ZBTB40: variants seen among roughly 807,000 people sequenced by gnomAD.
The protein encoded by ZBTB40 is zinc finger and BTB domain containing 40, also known as zinc finger and BTB domain-containing protein 40.
A neutral mutation model predicts 117.5 loss-of-function variants in ZBTB40; 60 were observed. That is an observed-to-expected ratio of 0.51 (90% confidence interval 0.41 to 0.63). The LOEUF (loss-of-function observed/expected upper bound fraction) is 0.63. Ranked by LOEUF, ZBTB40 falls within the 30% of genes least tolerant of loss-of-function variation. ZBTB40 has a pLI of 0.00. For synonymous variants in ZBTB40, 525 were observed against 577.1 expected (o/e 0.91, Z 1.29); for missense variants, 1,287 against 1,498.5 (o/e 0.86, Z 2.33).
intron 1 of ZBTB40, among the ~76,000 whole-genome samples, chr1:22,445,022 T>C (rs1162905030): frequency 6.6e-6 from 1 of 152,166 alleles, no homozygotes; most frequent in Non-Finnish European, 1.5e-5. Context: ...GCTGCTAACA[T>C]ACTTTGGTGC....
chr1:22,523,253 G>A (rs1639589506), intron 16 of ZBTB40, among the ~76,000 whole-genome samples: 1 of 152,036 alleles, frequency 6.6e-6, no homozygotes, highest in Non-Finnish European at 1.5e-5. Flanking sequence ...GCCCAGCCAA[G>A]ATGTACCATT....
chr1:22,440,330 T>C (rs866238377), intron 1 of ZBTB40, among the ~76,000 whole-genome samples: 4 of 152,246 alleles, frequency 2.6e-5, no homozygotes, highest in Non-Finnish European at 5.9e-5. Context: ...TCTTGCCTAA[T>C]TGCTCTGACT....
rs572514196 is a variant in ZBTB40, at chr1:22,471,497, C to G, written c.-69-18383C>G. On this transcript the variant is annotated intron_variant, in intron 1 of 17. Coordinates refer to ENST00000375647, the MANE Select transcript of ZBTB40 (RefSeq NM_014870.4). ...TAACCTTGCTTGACATTAGTTTCCT[C>G]ATCTATAAAATAGGGATATAATGGT... 3.3e-5 allele frequency among the ~76,000 whole-genome samples: 5 copies of G among 152,338 alleles called. No individual in the cohort carries two copies. In the South Asian group the frequency reaches 6.2e-4, roughly 19 times the overall value.
At chr1:22,484,962 T>C (rs1250284697) in intron 1 of ZBTB40, among the ~76,000 whole-genome samples, 2 of 152,210 alleles carry the variant, frequency 1.3e-5, no homozygotes. Flanking sequence ...TGATTTTGAA[T>C]GTTGAACCAG....
At chr1:22,505,669 T>G (rs1185037429) in intron 5 of ZBTB40, among the ~76,000 whole-genome samples, 1 of 152,204 alleles carries the variant, frequency 6.6e-6, no homozygotes, top group Non-Finnish European at 1.5e-5. Context: ...CTATATTAAT[T>G]ATCAATCTGT....
chr1:22,515,944 C>T (rs1367833956), intron 12 of ZBTB40, among the ~76,000 whole-genome samples: 1 of 152,036 alleles, frequency 6.6e-6, no homozygotes, highest in Non-Finnish European at 1.5e-5. Flanking sequence ...CTGTTAGAGC[C>T]GTTCAGTGTA....
chr1:22,464,640 T>C (rs1484836257), intron 1 of ZBTB40, among the ~76,000 whole-genome samples: 3 of 152,228 alleles, frequency 2.0e-5, no homozygotes, highest in Non-Finnish European at 4.4e-5. Flanking sequence ...TTATAACATA[T>C]GAAGAAGAAA....
intron 1 of ZBTB40, among the ~76,000 whole-genome samples, chr1:22,457,823 A>T (rs1368780503): frequency 6.6e-6 from 1 of 152,192 alleles, no homozygotes; most frequent in Non-Finnish European, 1.5e-5. Context: ...ATTTCGTCCT[A>T]TTTCTCAGCT....
At chr1:22,521,367 A>G in intron 14 of ZBTB40, 129 bp from the exon 15 acceptor site, 1 of 1,147,534 alleles carries the variant, frequency 8.7e-7, no homozygotes, top group South Asian at 1.3e-5. Flanking sequence ...CCGGTGTGAT[A>G]GGTAAGAGTG....
At chr1:22,517,054 C>G (rs1322594182) in intron 12 of ZBTB40, among the ~76,000 whole-genome samples, 1 of 152,144 alleles carries the variant, frequency 6.6e-6, no homozygotes, top group Non-Finnish European at 1.5e-5. Flanking sequence ...TTGTCTTGTG[C>G]AGTGAGAACT....
At position 22,490,181 on chromosome 1, in the gene ZBTB40, T is replaced by G. The variant is rs551375407; in HGVS notation, c.233T>G (p.Met78Arg). ...GAGTTTGCGCTCTTGTTGGAAATGA[T>G]GTACACGGGCAAACTACCTGTGGGC... ...PEEFALLLEM[M>R]YTGKLPVGKH... The change falls in exon 2 of 18, where the codon ATG becomes AGG. Residue 78 changes from methionine to arginine, a missense_variant. Physicochemically the swap from Met to Arg is moderately conservative, Grantham distance 91 (BLOSUM62 -1). Around this residue, in one of 2 missense-constraint regions of ZBTB40, gnomAD observed 870 missense variants for 934.4 expected, o/e 0.93. Coordinates refer to ENST00000375647, the MANE Select transcript of ZBTB40 (RefSeq NM_014870.4). 2.6e-5 allele frequency: 42 copies of G among 1,614,074 alleles called. No homozygotes were observed. The highest frequency in any genetic ancestry group is 3.3e-5 in the Non-Finnish European group (39 of 1,180,028).
chr1:22,437,221 A>C (rs1017551237), intron 1 of ZBTB40, among the ~76,000 whole-genome samples: 4 of 152,166 alleles, frequency 2.6e-5, no homozygotes, highest in Non-Finnish European at 5.9e-5. Context: ...CAGAAATCAT[A>C]ATTTACCAGA....
chr1:22,502,504 T>C (rs1241985565), intron 5 of ZBTB40, 63 bp downstream of exon 5: 2 of 1,604,020 alleles, frequency 1.2e-6, no homozygotes, highest in African/African-American at 2.7e-5. Context: ...AAAATGCTTT[T>C]GTGGCACATA....
intron 1 of ZBTB40, among the ~76,000 whole-genome samples, chr1:22,458,265 G>A (rs927838257): frequency 6.6e-6 from 1 of 152,180 alleles, no homozygotes; most frequent in African/African-American, 2.4e-5. Flanking sequence ...TGATTCCCTT[G>A]CTTTAAAACT....
intron 1 of ZBTB40, among the ~76,000 whole-genome samples, chr1:22,462,091 G>A (rs1641146432): frequency 1.3e-5 from 2 of 152,146 alleles, no homozygotes; most frequent in Admixed American, 1.3e-4. Flanking sequence ...TCCATTATCT[G>A]TTCTTATTTA....
chr1:22,522,289 C>T (rs906736389), intron 15 of ZBTB40, 88 bp from the exon 16 acceptor site: 41 of 1,268,720 alleles, frequency 3.2e-5, no homozygotes, highest in Admixed American at 1.7e-4. Flanking sequence ...TATTGGCCAT[C>T]GCCCCAACCC....
intron 1 of ZBTB40, among the ~76,000 whole-genome samples, chr1:22,455,978 C>T (rs137914694): frequency 1.1e-3 from 169 of 152,286 alleles, no homozygotes; most frequent in African/African-American, 3.8e-3. Flanking sequence ...CCTGAACCAG[C>T]ACCCTGAGGG....
chr1:22,488,588 G>C (rs992942087), intron 1 of ZBTB40, among the ~76,000 whole-genome samples: 28 of 152,210 alleles, frequency 1.8e-4, no homozygotes, highest in African/African-American at 6.8e-4. Flanking sequence ...AGAGTTCTCA[G>C]AGCAGAATGG....
At position 22,526,720 on chromosome 1, in the gene ZBTB40, G is replaced by A. The variant is rs1639689310; in HGVS notation, c.*324G>A. On this transcript the variant is annotated 3_prime_UTR_variant, in exon 18 of 18. Transcript: ENST00000375647. ...TAGAGTCTGAAAGAGCAGTGGGATGGGAGCTGGTGACCAGGGTACCCCAGG... is the reference window on the plus strand; with the variant it reads ...TAGAGTCTGAAAGAGCAGTGGGATGAGAGCTGGTGACCAGGGTACCCCAGG... 2 of 370,756 alleles carry A rather than the reference G, an allele frequency of 5.4e-6. No homozygotes were observed. Among genetic ancestry groups the A allele is most frequent in the Non-Finnish European group, 1.0e-5 (2 of 191,024 alleles). The allele number at this position is 370,756 out of a possible 1,614,324, so 23.0% of individuals were successfully genotyped here. A position where few individuals can be genotyped will look rare whatever the true frequency, so the allele number is the denominator to read the frequency against.
Sources: gnomAD v4.1 joint callset for allele counts (sites outside exome capture counted in the v4.1 genomes callset) on GRCh38, gnomAD v4.1.1 for gene constraint, gnomAD v4.1.1 regional missense constraint, MANE v1.5 for transcripts, NCBI Gene and HGNC (gene_info 2026-07-23, HGNC 2026-07-21) for gene names.